The following AUTS2 variants were observed in gnomAD, a reference collection of about 807,000 sequenced individuals.
AUTS2 encodes the protein activator of transcription and developmental regulator AUTS2, also known as autism susceptibility gene 2 protein.
A neutral mutation model predicts 112.4 loss-of-function variants in AUTS2; 17 were observed. The ratio of observed to expected loss-of-function variants is 0.15; its 90% CI spans 0.10 to 0.23. The LOEUF (loss-of-function observed/expected upper bound fraction) is 0.23, where lower values mean the gene tolerates loss of function less well. AUTS2 is among the 10% of genes least tolerant of loss of function. AUTS2 has a pLI of 1.00. For missense variants in AUTS2, 1,510 were observed against 1,701.6 expected (o/e 0.89, Z 1.98); for synonymous variants, 751 against 702.7 (o/e 1.07, Z -1.09).
rs144126131 is a variant in AUTS2, at chr7:70,630,072, G to C, written c.691-68497G>C. Reference sequence around the variant, plus strand: ...CAGGCATGTCTGAGCAGCTTGGATCGCAAAAGGGCAAGATTTACACATGGG... The same window carrying C: ...CAGGCATGTCTGAGCAGCTTGGATCCCAAAAGGGCAAGATTTACACATGGG... On this transcript the variant is annotated intron_variant, in intron 5 of 18. Transcript: ENST00000342771. Among the ~76,000 whole-genome samples, 585 of 152,236 alleles carry C rather than the reference G, an allele frequency of 3.8e-3. 6 individuals are homozygous for C. The highest frequency in any genetic ancestry group is 0.014 in the African/African-American group (563 of 41,542).
In AUTS2 at chr7:70,098,731, T is replaced by G. The variant is rs181810262; in HGVS notation, c.523-19401T>G. On this transcript the variant is annotated intron_variant, in intron 2 of 18. Coordinates refer to ENST00000342771, the MANE Select transcript of AUTS2 (RefSeq NM_015570.4). Reference sequence around the variant, plus strand: ...CTTTTTTTTTTTTTGAGACAGAGTTTTGCTCTTGTTGCCCAGGCTGGAGTG... The same window carrying G: ...CTTTTTTTTTTTTTGAGACAGAGTTGTGCTCTTGTTGCCCAGGCTGGAGTG... 3.3e-5 allele frequency among the ~76,000 whole-genome samples: 5 copies of G among 151,946 alleles called. No homozygotes were observed. In the East Asian group the frequency reaches 7.7e-4, roughly 23 times the overall value.
At chr7:69,650,517 C>A (rs541997313) in intron 1 of AUTS2, among the ~76,000 whole-genome samples, 3 of 152,262 alleles carry the variant, frequency 2.0e-5, no homozygotes, top group African/African-American at 7.2e-5. Context: ...GGAGAACTTT[C>A]ATCATTTTAG....
intron 1 of AUTS2, among the ~76,000 whole-genome samples, chr7:69,715,206 A>G (rs1263892885): frequency 1.4e-5 from 2 of 145,022 alleles, no homozygotes; most frequent in East Asian, 4.1e-4. Flanking sequence ...TTTGGCTTGT[A>G]TAATTTTCTT....
At chr7:70,117,994 T>TA (rs1562711381) in intron 2 of AUTS2, 138 bp from the exon 3 acceptor site, 1 of 1,095,628 alleles carries the variant, frequency 9.1e-7, no homozygotes, top group Non-Finnish European at 1.2e-6. Context: ...GTGATCCTCC[T>TA]ACCTCTGCCT....
chr7:70,252,360 G>A (rs1786646639), intron 4 of AUTS2, among the ~76,000 whole-genome samples: 2 of 152,104 alleles, frequency 1.3e-5, no homozygotes, highest in African/African-American at 2.4e-5. Flanking sequence ...GTGATGATGA[G>A]CATTTTTTCA....
In AUTS2 at chr7:70,777,347, G is replaced by A. The variant is rs1790771986; in HGVS notation, c.2004+173G>A. ...CAGAAGTCTTACTTATTTTTTCCTA[G>A]AGTCAGGGTCTCACTCTGTTGCCCA... On this transcript the variant is annotated intron_variant, in intron 14 of 18. Coordinates refer to ENST00000342771, the MANE Select transcript of AUTS2 (RefSeq NM_015570.4). The A allele has an allele frequency of 4.7e-6, 3 of 642,276 alleles. No homozygotes were observed. The East Asian group carries it at 8.4e-5, about 18-fold the overall frequency. 39.8% of individuals were successfully genotyped at this position (642,276 alleles called of 1,614,324 possible). A position where few individuals can be genotyped will look rare whatever the true frequency, so the allele number is the denominator to read the frequency against.
rs148008593 is a variant in AUTS2, at chr7:70,081,371, C to T, written c.523-36761C>T. On this transcript the variant is annotated intron_variant, in intron 2 of 18. Transcript: ENST00000342771. ...TTTGAGACCAGCCTAGCCAACATGG[C>T]GAAACCCCGTCTCTATAAAAAAAAA... Among the ~76,000 whole-genome samples the T allele has an allele frequency of 3.2e-3, 429 of 135,870 alleles. 16 individuals carry two copies. The East Asian group carries it at 0.076, about 24-fold the overall frequency. 89.1% of individuals were successfully genotyped at this position (135,870 alleles called of 152,430 possible). A position where few individuals can be genotyped will look rare whatever the true frequency, so the allele number is the denominator to read the frequency against.
At chr7:70,005,838 G>A (rs949700791) in intron 2 of AUTS2, among the ~76,000 whole-genome samples, 1 of 150,494 alleles carries the variant, frequency 6.6e-6, no homozygotes, top group African/African-American at 2.4e-5. Context: ...TTATGTGCAT[G>A]TTCCAAAGTT....
At chr7:70,162,253 C>T (rs967967289) in intron 4 of AUTS2, among the ~76,000 whole-genome samples, 5 of 150,366 alleles carry the variant, frequency 3.3e-5, no homozygotes, top group South Asian at 4.2e-4. Flanking sequence ...GAGACCATCC[C>T]GGCTAAAACG....
At chr7:69,797,640 T>G (rs1789905030) in intron 1 of AUTS2, among the ~76,000 whole-genome samples, 1 of 152,194 alleles carries the variant, frequency 6.6e-6, no homozygotes, top group Non-Finnish European at 1.5e-5. Flanking sequence ...TCTGCTCTCA[T>G]GTGGGCTCTT....
chr7:69,935,267 G>T (rs1010916552), intron 2 of AUTS2, among the ~76,000 whole-genome samples: 1 of 152,156 alleles, frequency 6.6e-6, no homozygotes, highest in African/African-American at 2.4e-5. Context: ...AGGAGGTGTA[G>T]ATATATGTGT....
chr7:70,098,652 CT>C (rs1804324425), intron 2 of AUTS2, among the ~76,000 whole-genome samples: 1 of 150,838 alleles, frequency 6.6e-6, no homozygotes, highest in African/African-American at 2.4e-5. Context: ...TAGACCATGT[CT>C]TTTTATTTTT....
chr7:70,123,520 A>C (rs1805799112), intron 3 of AUTS2, among the ~76,000 whole-genome samples: 1 of 151,810 alleles, frequency 6.6e-6, no homozygotes, highest in Non-Finnish European at 1.5e-5. Flanking sequence ...CCTCAAGCAG[A>C]CCCTAGTGTC....
At chr7:70,087,545 GT>G (rs1803676007) in intron 2 of AUTS2, among the ~76,000 whole-genome samples, 1 of 151,114 alleles carries the variant, frequency 6.6e-6, no homozygotes, top group Admixed American at 6.6e-5. Flanking sequence ...AATTTTTTGT[GT>G]TTTTAGTAGA....
chr7:70,406,536 A>G (rs1794542003), intron 4 of AUTS2, among the ~76,000 whole-genome samples: 1 of 152,220 alleles, frequency 6.6e-6, no homozygotes, highest in Non-Finnish European at 1.5e-5. Context: ...TGAGAAGAAC[A>G]GTGTACTTGA....
intron 5 of AUTS2, among the ~76,000 whole-genome samples, chr7:70,671,954 C>T (rs766901142): frequency 3.3e-5 from 5 of 152,096 alleles, no homozygotes; most frequent in Admixed American, 2.0e-4. Flanking sequence ...GAACGAAAGC[C>T]GTGGCAGTGA....
chr7:69,888,235 G>A (rs1044097157), intron 1 of AUTS2, among the ~76,000 whole-genome samples: 11 of 151,812 alleles, frequency 7.2e-5, no homozygotes, highest in African/African-American at 2.2e-4. Flanking sequence ...TGGTTCTGCA[G>A]ACTGTACAAG....
chr7:70,411,818 G>T (rs1425453697), intron 4 of AUTS2, among the ~76,000 whole-genome samples: 2 of 151,902 alleles, frequency 1.3e-5, no homozygotes, highest in East Asian at 3.9e-4. Flanking sequence ...ACTAAACTGG[G>T]ATATGAACGA....
At chr7:69,791,005 A>G (rs777198994) in intron 1 of AUTS2, among the ~76,000 whole-genome samples, 1 of 152,156 alleles carries the variant, frequency 6.6e-6, no homozygotes, top group Admixed American at 6.5e-5. Context: ...TGGCTCCACT[A>G]ATTGAAACCT....
Sources: allele counts gnomAD v4.1 joint callset (sites outside exome capture counted in the v4.1 genomes callset), GRCh38; gene constraint gnomAD v4.1.1; transcripts MANE v1.5; gene names NCBI Gene and HGNC (gene_info 2026-07-23, HGNC 2026-07-21).